Variants in ZC2HC1A observed in about 807,000 individuals in gnomAD.
ZC2HC1A encodes zinc finger C2HC-type containing 1A.
A neutral mutation model predicts 40.7 loss-of-function variants in ZC2HC1A; 28 were observed. That is an observed-to-expected ratio of 0.69 (90% CI 0.51 to 0.94). The LOEUF (loss-of-function observed/expected upper bound fraction) is 0.94. ZC2HC1A is among the 40% of genes least tolerant of loss of function. The pLI, the probability that ZC2HC1A is intolerant of heterozygous loss-of-function variation, is 0.00. For synonymous variants in ZC2HC1A, 129 were observed against 129.2 expected, an observed-to-expected ratio of 1.00 and a Z score of 0.01; for missense variants, 389 against 386.3, an observed-to-expected ratio of 1.01 and a Z score of -0.06.
intron 7 of ZC2HC1A, among the ~76,000 whole-genome samples, chr8:78,709,397 C>T (rs183835967): frequency 2.6e-3 from 389 of 152,034 alleles, no homozygotes; most frequent in Non-Finnish European, 4.6e-3. Flanking sequence ...TTGTGTGGAG[C>T]GTTATGTGAA....
chr8:78,668,650 T>C (rs1453644954), intron 1 of ZC2HC1A, among the ~76,000 whole-genome samples: 1 of 152,218 alleles, frequency 6.6e-6, no homozygotes, highest in Non-Finnish European at 1.5e-5. Flanking sequence ...CACTATACTT[T>C]GAAATGAAAT....
chr8:78,667,708 A>G (rs573454337), intron 1 of ZC2HC1A, among the ~76,000 whole-genome samples: 2 of 152,206 alleles, frequency 1.3e-5, no homozygotes, highest in Non-Finnish European at 2.9e-5. Context: ...GCAGCAAAGA[A>G]TAAAAATGAT....
chr8:78,718,957 G>C lies in ZC2HC1A; in HGVS notation c.*1464G>C, dbSNP rs1811185504. On this transcript the variant is annotated 3_prime_UTR_variant, in exon 9 of 9. Coordinates refer to ENST00000263849, the MANE Select transcript of ZC2HC1A (RefSeq NM_016010.3). ...AATTTATCTGAAATTTATTAGCTTA[G>C]TTTAGTTTGGGCAGGAGTTACAAAC... The C allele has an allele frequency of 6.6e-6, 1 of 151,464 alleles. No homozygotes were observed. The highest frequency in any genetic ancestry group is 2.4e-5 in the African/African-American group (1 of 41,342). 9.4% of individuals were successfully genotyped at this position (151,464 alleles called of 1,614,324 possible). A position where few individuals can be genotyped will look rare whatever the true frequency, so the allele number is the denominator to read the frequency against.
chr8:78,669,169 T>C (rs1809377429), intron 1 of ZC2HC1A, among the ~76,000 whole-genome samples: 1 of 152,152 alleles, frequency 6.6e-6, no homozygotes. Context: ...ATTTACTGCT[T>C]TTTGGTAGTG....
Position 78,708,529 on chromosome 8 carries a change from C to CGA in ZC2HC1A, c.705-6692_705-6691insGA, listed in dbSNP as rs145566522. On this transcript the variant is annotated intron_variant, in intron 7 of 8. Transcript: ENST00000263849. Reference sequence around the variant, plus strand: ...CTCGTCTCCATTAAAAAAACAAAAACAAAAACAACCTTTTTAAACCTTTTT... The same window carrying CGA: ...CTCGTCTCCATTAAAAAAACAAAAACGAAAAAACAACCTTTTTAAACCTTTTT... Among the ~76,000 whole-genome samples the CGA allele has an allele frequency of 3.7e-3, 564 of 151,182 alleles. 22 individuals carry two copies. The East Asian group carries it at 0.08, about 21-fold the overall frequency.
chr8:78,675,586 A>G (rs1302651072), intron 1 of ZC2HC1A, among the ~76,000 whole-genome samples: 4 of 152,118 alleles, frequency 2.6e-5, no homozygotes, highest in East Asian at 3.9e-4. Context: ...TGACTCCTCC[A>G]TATTTATCCT....
rs2130623373 is a variant in ZC2HC1A, at chr8:78,717,880, T to G, written c.*387T>G. On this transcript the variant is annotated 3_prime_UTR_variant, in exon 9 of 9. Coordinates refer to ENST00000263849, the MANE Select transcript of ZC2HC1A (RefSeq NM_016010.3). The stretch of plus-strand genomic sequence containing the variant: ...GATAAGTATAACTTTGAGCAAAAAA[T>G]TTGGATAAACATTTGTATTATTGGT... 1 of 156,902 alleles carries G rather than the reference T, an allele frequency of 6.4e-6. No homozygotes were observed. The highest frequency in any genetic ancestry group is 6.2e-5 in the Admixed American group (1 of 16,206). 9.7% of individuals were successfully genotyped at this position (156,902 alleles called of 1,614,324 possible). A position where few individuals can be genotyped will look rare whatever the true frequency, so the allele number is the denominator to read the frequency against.
intron 8 of ZC2HC1A, 45 bp downstream of exon 8, chr8:78,715,373 A>G (rs1184635679): frequency 9.2e-6 from 14 of 1,518,650 alleles, no homozygotes; most frequent in African/African-American, 5.6e-5. Context: ...AAAATTGAGT[A>G]TATGATAGTT....
chr8:78,690,583 C>A (rs1303297198), intron 5 of ZC2HC1A, among the ~76,000 whole-genome samples: 1 of 151,592 alleles, frequency 6.6e-6, no homozygotes. Context: ...AAACTTTGGC[C>A]ATTCTTGATT....
rs1811146162 is a variant in ZC2HC1A, at chr8:78,717,522, A to C, written c.*29A>C. 6.5e-7 allele frequency: 1 copy of C among 1,538,614 alleles called. No homozygotes were observed. Among genetic ancestry groups the C allele is most frequent in the African/African-American group, 1.4e-5 (1 of 71,822 alleles). ...GAATCTCAAAAAAAAAAAAAAGCCA[A>C]GTTCAGAGTTTATGATTATTGCTGC... is the stretch of plus-strand genomic sequence containing the variant. On this transcript the variant is annotated 3_prime_UTR_variant, in exon 9 of 9. Transcript: ENST00000263849.
At chr8:78,698,324 A>T in intron 6 of ZC2HC1A, 90 bp from the exon 7 acceptor site, 1 of 1,076,666 alleles carries the variant, frequency 9.3e-7, no homozygotes, top group Non-Finnish European at 1.3e-6. Context: ...TGCAAAGATT[A>T]TTACTAAAGC....
At chr8:78,698,603 C>A in intron 7 of ZC2HC1A, 90 bp downstream of exon 7, 2 of 957,970 alleles carry the variant, frequency 2.1e-6, no homozygotes, top group South Asian at 2.3e-5. Flanking sequence ...TTTCATTCAT[C>A]TTCATTTCCT....
chr8:78,672,445 A>G (rs1809463285), intron 1 of ZC2HC1A, among the ~76,000 whole-genome samples: 1 of 152,152 alleles, frequency 6.6e-6, no homozygotes, highest in Admixed American at 6.5e-5. Context: ...ACCTTATAGC[A>G]GTATGCTTTC....
Position 78,715,310 on chromosome 8 carries a change from C to T in ZC2HC1A, c.794C>T (p.Thr265Ile), listed in dbSNP as rs1193555438. The change falls in exon 8 of 9, where the codon ACT becomes ATT. Residue 265 changes from threonine (T) to isoleucine (I), a missense_variant. Physicochemically the swap from Thr to Ile is moderately conservative, Grantham distance 89. Coordinates refer to ENST00000263849, the MANE Select transcript of ZC2HC1A (RefSeq NM_016010.3). ...GVLTNKRKTY[T>I]ESYIARPDGD... ...CTTACAAACAAAAGAAAAACATATA[C>T]TGAGAGCTACATAGCCAGGTATGTT... 3.1e-6 allele frequency: 5 copies of T among 1,613,272 alleles called. No individual in the cohort carries two copies. Among genetic ancestry groups the T allele is most frequent in the Middle Eastern group, 1.6e-4 (1 of 6,080 alleles).
chr8:78,683,306 C>T (rs957966177), intron 3 of ZC2HC1A, among the ~76,000 whole-genome samples: 6 of 152,226 alleles, frequency 3.9e-5, no homozygotes, highest in Admixed American at 2.6e-4. Flanking sequence ...AGGGCCCCGC[C>T]CCTGAAACAA....
intron 7 of ZC2HC1A, among the ~76,000 whole-genome samples, chr8:78,701,869 T>C (rs1447965411): frequency 6.6e-6 from 1 of 152,334 alleles, no homozygotes; most frequent in East Asian, 1.9e-4. Context: ...AGCTTGTTGA[T>C]GTGCTGCTGG....
intron 2 of ZC2HC1A, chr8:78,676,107 T>TAA: frequency 3.1e-6 from 1 of 326,118 alleles, no homozygotes. Flanking sequence ...ACGAGACTCT[T>TAA]ACCAAAAACA....
intron 7 of ZC2HC1A, among the ~76,000 whole-genome samples, chr8:78,711,143 G>A (rs1220454139): frequency 6.6e-6 from 1 of 152,102 alleles, no homozygotes; most frequent in Non-Finnish European, 1.5e-5. Context: ...AAAAAGAACA[G>A]ACTTTTAAAG....
chr8:78,713,738 G>A (rs1811016531), intron 7 of ZC2HC1A, among the ~76,000 whole-genome samples: 1 of 152,158 alleles, frequency 6.6e-6, no homozygotes, highest in Non-Finnish European at 1.5e-5. Flanking sequence ...TGACAGCATT[G>A]TGTATTGAAT....
Sources: gnomAD v4.1 joint callset for allele counts (sites outside exome capture counted in the v4.1 genomes callset) on GRCh38, gnomAD v4.1.1 for gene constraint, MANE v1.5 for transcripts, NCBI Gene and HGNC (gene_info 2026-07-23, HGNC 2026-07-21) for gene names.